The following NBEA variants were observed in gnomAD, a reference collection of about 807,000 sequenced individuals.
The protein encoded by NBEA is neurobeachin.
Under a neutral mutation model 343.4 loss-of-function variants are expected in NBEA, and 44 were observed. That is an observed-to-expected ratio of 0.13 (90% CI 0.10 to 0.16). The LOEUF is 0.16. NBEA is among the 10% of genes least tolerant of loss of function. The pLI is 1.00. For synonymous variants in NBEA, 1,175 were observed against 1,238.7 expected (o/e 0.95, Z 1.08); for missense variants, 2,555 against 3,631.3 (o/e 0.70, Z 7.62).
chr13:35,600,879 T>C (rs921770057), intron 47 of NBEA, among the ~76,000 whole-genome samples: 2 of 152,086 alleles, frequency 1.3e-5, no homozygotes, highest in Admixed American at 1.3e-4. Flanking sequence ...TCCTCTTCTT[T>C]AAGAAACACA....
Position 35,412,831 on chromosome 13 carries a change from C to A in NBEA, c.6180-19438C>A, listed in dbSNP as rs144603148. Among the ~76,000 whole-genome samples, 5 of 152,226 alleles carry A rather than the reference C, an allele frequency of 3.3e-5. No homozygotes were observed. In the East Asian group the frequency reaches 9.7e-4, roughly 29 times the overall value. On this transcript the variant is annotated intron_variant, in intron 38 of 58. Transcript: ENST00000379939. Reference sequence around the variant, plus strand: ...AGCATAAGCAAGGAAGTCAGACTGCCTGAGGACACATTCTGCCACCAGCTA... The same window carrying A: ...AGCATAAGCAAGGAAGTCAGACTGCATGAGGACACATTCTGCCACCAGCTA...
At chr13:35,351,177 A>G (rs143557557) in intron 37 of NBEA, among the ~76,000 whole-genome samples, 1 of 152,104 alleles carries the variant, frequency 6.6e-6, no homozygotes, top group African/African-American at 2.4e-5. Context: ...ATGTTCAAGT[A>G]CCTTCCATGA....
intron 1 of NBEA, among the ~76,000 whole-genome samples, chr13:35,038,368 T>G (rs2062526518): frequency 6.6e-6 from 1 of 152,104 alleles, no homozygotes; most frequent in South Asian, 2.1e-4. Flanking sequence ...CCTACTGTAG[T>G]GTTGTTGGTA....
chr13:35,273,853 G>T (rs2034372103), intron 34 of NBEA, among the ~76,000 whole-genome samples: 1 of 152,066 alleles, frequency 6.6e-6, no homozygotes, highest in Admixed American at 6.5e-5. Flanking sequence ...AATAGGTTCT[G>T]AAATTGAGGC....
At chr13:34,975,277 A>G (rs2060126519) in intron 1 of NBEA, among the ~76,000 whole-genome samples, 1 of 152,230 alleles carries the variant, frequency 6.6e-6, no homozygotes, top group East Asian at 1.9e-4. Flanking sequence ...ACATAGACCA[A>G]TGGAACAGAA....
intron 17 of NBEA, among the ~76,000 whole-genome samples, chr13:35,124,569 T>G (rs546573626): frequency 6.7e-6 from 1 of 149,988 alleles, no homozygotes; most frequent in South Asian, 2.1e-4. Context: ...CACATATATA[T>G]GGATATATAT....
chr13:35,199,863 A>T (rs1239501393), intron 31 of NBEA, among the ~76,000 whole-genome samples: 2 of 152,102 alleles, frequency 1.3e-5, no homozygotes, highest in Non-Finnish European at 2.9e-5. Context: ...TTCTGTACAT[A>T]TAAGGAAAGT....
At chr13:35,016,682 T>C (rs1417228985) in intron 1 of NBEA, among the ~76,000 whole-genome samples, 2 of 152,056 alleles carry the variant, frequency 1.3e-5, no homozygotes, top group African/African-American at 2.4e-5. Flanking sequence ...GATTATGTAG[T>C]GCTAGGAATG....
chr13:34,942,797 C>A lies in NBEA; in HGVS notation c.-24C>A. The A allele has an allele frequency of 7.5e-7, 1 of 1,334,494 alleles. No individual in the cohort carries two copies. The highest frequency in any genetic ancestry group is 1.9e-5 in the South Asian group (1 of 53,726). 82.7% of individuals were successfully genotyped at this position (1,334,494 alleles called of 1,614,324 possible). On this transcript the variant is annotated 5_prime_UTR_variant, in exon 1 of 59. Transcript: ENST00000379939. ...CGGCGGCGGCAGCGCCGCTGCTCTT[C>A]CCTTCTCCTCAGGAGGGGGGCCAAT... is the stretch of plus-strand genomic sequence containing the variant.
At chr13:35,504,881 G>A (rs531681061) in intron 41 of NBEA, among the ~76,000 whole-genome samples, 2 of 152,126 alleles carry the variant, frequency 1.3e-5, no homozygotes, top group African/African-American at 4.8e-5. Context: ...CAAAGTGCTG[G>A]GATTACAGGC....
chr13:35,475,282 G>A (rs766862752), intron 41 of NBEA: 1 of 1,614,028 alleles, frequency 6.2e-7, no homozygotes, highest in Non-Finnish European at 8.5e-7. Context: ...CGACTCTCGG[G>A]GATGCTTTTC....
intron 41 of NBEA, among the ~76,000 whole-genome samples, chr13:35,548,609 T>C (rs1410913828): frequency 1.3e-5 from 2 of 152,212 alleles, no homozygotes; most frequent in African/African-American, 4.8e-5. Flanking sequence ...ATGGCCATAG[T>C]ATTTTTAGTA....
At chr13:35,135,565 A>G (rs2067672130) in intron 17 of NBEA, among the ~76,000 whole-genome samples, 1 of 152,066 alleles carries the variant, frequency 6.6e-6, no homozygotes, top group East Asian at 1.9e-4. Context: ...CATTCTGGTA[A>G]AAAATATAAT....
chr13:35,426,170 G>A (rs1382769750), intron 38 of NBEA, among the ~76,000 whole-genome samples: 2 of 152,182 alleles, frequency 1.3e-5, no homozygotes, highest in Admixed American at 6.5e-5. Flanking sequence ...ATCGTTATGT[G>A]TGAATTTGAT....
At chr13:35,103,975 G>A (rs2065786885) in intron 11 of NBEA, among the ~76,000 whole-genome samples, 1 of 151,812 alleles carries the variant, frequency 6.6e-6, no homozygotes, top group Non-Finnish European at 1.5e-5. Context: ...ATCCTAAAAT[G>A]TGCCAAATCT....
intron 55 of NBEA, among the ~76,000 whole-genome samples, chr13:35,664,494 T>C (rs1326307928): frequency 6.6e-6 from 1 of 152,188 alleles, no homozygotes; most frequent in Non-Finnish European, 1.5e-5. Context: ...GAGAAAAATA[T>C]AGAACTTTTT....
At chr13:35,536,116 T>C (rs1363130483) in intron 41 of NBEA, among the ~76,000 whole-genome samples, 2 of 152,268 alleles carry the variant, frequency 1.3e-5, no homozygotes, top group South Asian at 4.1e-4. Context: ...ACTTGGGTTT[T>C]CAAGTGAAAA....
At chr13:35,561,970 T>C (rs887275043) in intron 44 of NBEA, among the ~76,000 whole-genome samples, 3 of 152,120 alleles carry the variant, frequency 2.0e-5, no homozygotes, top group African/African-American at 7.2e-5. Context: ...AAATGGTAAT[T>C]TTAAAAATTA....
chr13:34,971,781 C>T (rs758258604), intron 1 of NBEA, among the ~76,000 whole-genome samples: 8 of 150,446 alleles, frequency 5.3e-5, no homozygotes, highest in Non-Finnish European at 1.0e-4. Context: ...ATTTTTGCAT[C>T]GATATTCATC....
Sources: allele counts gnomAD v4.1 joint callset (sites outside exome capture counted in the v4.1 genomes callset), GRCh38; gene constraint gnomAD v4.1.1; transcripts MANE v1.5; gene names NCBI Gene and HGNC (gene_info 2026-07-23, HGNC 2026-07-21).